DTX4: variants seen among roughly 807,000 people sequenced by gnomAD.
The protein encoded by DTX4 is deltex E3 ubiquitin ligase 4, also known as E3 ubiquitin-protein ligase DTX4.
In DTX4, 28 loss-of-function variants were observed where a neutral mutation model predicts 57.6. The ratio of observed to expected loss-of-function variants is 0.49; its 90% confidence interval spans 0.36 to 0.67. DTX4 has a LOEUF of 0.67. Ranked by LOEUF, DTX4 falls within the 30% of genes least tolerant of loss-of-function variation. The pLI is 0.00. For synonymous variants in DTX4, 316 were observed against 331.0 expected (o/e 0.95, Z 0.49); for missense variants, 715 against 836.8 (o/e 0.85, Z 1.80).
rs755502863 is a variant in DTX4, at chr11:59,181,759, C to T, written c.232C>T (p.Arg78Cys). The change falls in exon 2 of 9, where the codon CGC becomes TGC. Residue 78 changes from arginine to cysteine, a missense_variant. Physicochemically the swap from Arg to Cys is radical, Grantham distance 180. Coordinates refer to ENST00000227451, the MANE Select transcript of DTX4 (RefSeq NM_015177.2). Reference sequence around the variant, plus strand: ...GGCAGGAACTCTCCGCCCAGTTCGCCGCAACTACTACGACCCCTCCTCGGC... The same window carrying T: ...GGCAGGAACTCTCCGCCCAGTTCGCTGCAACTACTACGACCCCTCCTCGGC... ...QDTGTLRPVR[R>C]NYYDPSSAPG... 26 of 1,607,354 alleles carry T rather than the reference C, an allele frequency of 1.6e-5. No individual in the cohort carries two copies. The highest frequency in any genetic ancestry group is 4.4e-5 in the South Asian group (4 of 90,414).
At chr11:59,187,065 A>G (rs1196095064) in intron 2 of DTX4, among the ~76,000 whole-genome samples, 1 of 152,188 alleles carries the variant, frequency 6.6e-6, no homozygotes, top group Non-Finnish European at 1.5e-5. Context: ...CCTTCCTTAC[A>G]GGCATGAGGG....
chr11:59,172,753 T>TGAGA lies in DTX4; in HGVS notation c.158_159insGAGA (p.Ala54ArgfsTer66). On this transcript the variant is annotated frameshift_variant, in exon 1 of 9. Transcript: ENST00000227451. LOFTEE classifies it high-confidence loss of function. ...GTGCTGGGCCAGGTGGACAGCCGTC[T>TGAGA]CGCGCCCTACATCATCGACCTGCAG... is the stretch of plus-strand genomic sequence containing the variant. 1 of 1,602,858 alleles carries TGAGA rather than the reference T, an allele frequency of 6.2e-7. No homozygotes were observed. Among genetic ancestry groups the TGAGA allele is most frequent in the Non-Finnish European group, 8.5e-7 (1 of 1,176,098 alleles).
At chr11:59,185,033 A>G (rs537202038) in intron 2 of DTX4, among the ~76,000 whole-genome samples, 5 of 152,312 alleles carry the variant, frequency 3.3e-5, no homozygotes, top group African/African-American at 1.2e-4. Flanking sequence ...GGAAAAAGGA[A>G]GACCAGGGAG....
chr11:59,188,809 C>G lies in DTX4; in HGVS notation c.997+13C>G. ...CCTGCCTTGGCAGGTAAGAGAAACC[C>G]CAGGATGCTCTGGGTTAAGGTAGAG... On this transcript the variant is annotated intron_variant, in intron 3 of 8. Transcript: ENST00000227451. The G allele has an allele frequency of 6.2e-7, 1 of 1,610,978 alleles. No homozygotes were observed. The highest frequency in any genetic ancestry group is 8.5e-7 in the Non-Finnish European group (1 of 1,177,312).
intron 7 of DTX4, among the ~76,000 whole-genome samples, chr11:59,199,379 C>T (rs1862713222): frequency 6.6e-6 from 1 of 152,200 alleles, no homozygotes; most frequent in African/African-American, 2.4e-5. Flanking sequence ...ACTCACTTAA[C>T]ATTTATAACA....
intron 1 of DTX4, among the ~76,000 whole-genome samples, chr11:59,173,189 C>A (rs113002085): frequency 6.6e-6 from 1 of 152,188 alleles, no homozygotes; most frequent in African/African-American, 2.4e-5. Context: ...GCCCTCATCC[C>A]GTGGCGGCCG....
In DTX4 at chr11:59,189,569, C is replaced by T. The variant is rs551803688; in HGVS notation, c.1159+246C>T. On this transcript the variant is annotated intron_variant, in intron 4 of 8. Coordinates refer to ENST00000227451, the MANE Select transcript of DTX4 (RefSeq NM_015177.2). ...AGTATAGAAACATAAAAATATAAGG[C>T]GTGGTACAAAGAAAATATGTTAGAA... Among the ~76,000 whole-genome samples, 10 of 152,220 alleles carry T rather than the reference C, an allele frequency of 6.6e-5. 1 individual carries two copies. The highest frequency in any genetic ancestry group is 6.8e-3 in the Middle Eastern group (2 of 294).
In DTX4 at chr11:59,182,181, C is replaced by T. The variant is rs1246607761; in HGVS notation, c.654C>T (p.Arg218=). The T allele has an allele frequency of 6.2e-7, 1 of 1,612,730 alleles. No homozygotes were observed. The highest frequency in any genetic ancestry group is 2.2e-5 in the East Asian group (1 of 44,858). Reference sequence around the variant, plus strand: ...GGCCCCTACAGCTGCCAGTGACCCGCAAGAACATGCCGCCTCCTGGAGTGG... The same window carrying T: ...GGCCCCTACAGCTGCCAGTGACCCGTAAGAACATGCCGCCTCCTGGAGTGG... The part of the protein sequence containing the change: ...STGPLQLPVT[R]KNMPPPGVVK... The change falls in exon 2 of 9, where the codon CGC becomes CGT. Residue 218 remains arginine, a synonymous_variant. Coordinates refer to ENST00000227451, the MANE Select transcript of DTX4 (RefSeq NM_015177.2).
chr11:59,203,856 CA>C (rs1307162704), intron 8 of DTX4, among the ~76,000 whole-genome samples: 1 of 152,226 alleles, frequency 6.6e-6, no homozygotes, highest in Non-Finnish European at 1.5e-5. Flanking sequence ...AGTAAACACT[CA>C]GGAAATAGCA....
At position 59,172,174 on chromosome 11, in the gene DTX4, G is replaced by C. The variant is rs1468694366; in HGVS notation, c.-422G>C. 2.6e-5 allele frequency among the ~76,000 whole-genome samples: 4 copies of C among 152,134 alleles called. No individual in the cohort carries two copies. In the East Asian group the frequency reaches 7.7e-4, roughly 29 times the overall value. On this transcript the variant is annotated 5_prime_UTR_variant, in exon 1 of 9. Coordinates refer to ENST00000227451, the MANE Select transcript of DTX4 (RefSeq NM_015177.2). ...GCGGCGAGATCCCACCCCGGCGTCT[G>C]CAGAGGCCGAGGCGCAACTGGTGCG...
In DTX4 at chr11:59,199,665, G is replaced by A. The variant is rs1468049716; in HGVS notation, c.1537-19G>A. ...ATATTTTGAAAAATGCCATTTGCTT[G>A]CTTGCTTTCTGCTTTCAGGGACCGG... is the stretch of plus-strand genomic sequence containing the variant. On this transcript the variant is annotated intron_variant, in intron 7 of 8. Coordinates refer to ENST00000227451, the MANE Select transcript of DTX4 (RefSeq NM_015177.2). 1.3e-6 allele frequency: 2 copies of A among 1,558,992 alleles called. No individual in the cohort carries two copies. The highest frequency in any genetic ancestry group is 2.4e-5 in the South Asian group (2 of 84,368).
chr11:59,189,253 G>A lies in DTX4; in HGVS notation c.1089G>A (p.Lys363=). The A allele has an allele frequency of 6.2e-7, 1 of 1,607,374 alleles. No individual in the cohort carries two copies. The highest frequency in any genetic ancestry group is 8.5e-7 in the Non-Finnish European group (1 of 1,176,920). Residue 363 remains lysine, a synonymous_variant, in exon 4 of 9, where the codon AAG becomes AAA. Transcript: ENST00000227451. ...TCCTACACCCACCCCCCGTCAGCAA[G>A]AGTGAAATAAAATCCATCCCAGGGG... The part of the protein sequence containing the change: ...KLVLHPPPVS[K]SEIKSIPGVS...
chr11:59,188,811 A>C lies in DTX4; in HGVS notation c.997+15A>C. On this transcript the variant is annotated intron_variant, in intron 3 of 8. Transcript: ENST00000227451. ...TGCCTTGGCAGGTAAGAGAAACCCC[A>C]GGATGCTCTGGGTTAAGGTAGAGAA... 6.2e-7 allele frequency: 1 copy of C among 1,610,616 alleles called. No individual in the cohort carries two copies. The highest frequency in any genetic ancestry group is 8.5e-7 in the Non-Finnish European group (1 of 1,176,912).
rs557676745 is a variant in DTX4 at position 59,181,968 on chromosome 11, C to G, written c.441C>G (p.Thr147=). 1.2e-6 allele frequency: 2 copies of G among 1,613,982 alleles called. No individual in the cohort carries two copies. Among genetic ancestry groups the G allele is most frequent in the Non-Finnish European group, 1.7e-6 (2 of 1,179,882 alleles). The change falls in exon 2 of 9, where the codon ACC becomes ACG. Residue 147 remains threonine, a synonymous_variant. Coordinates refer to ENST00000227451, the MANE Select transcript of DTX4 (RefSeq NM_015177.2). ...CCATGGGCCAGATCAACCGTCAGAC[C>G]CAGCGCCAACGCCGCGTCCGCCGGC... ...FNTMGQINRQ[T]QRQRRVRRRL...
chr11:59,205,718 G>A lies in DTX4; in HGVS notation c.*809G>A, dbSNP rs1225025727. ...AGCATCTGAACTGTCCTCAGGGAGA[G>A]GAGCCCACAGCCTTCTTCCCAACTC... is the stretch of plus-strand genomic sequence containing the variant. On this transcript the variant is annotated 3_prime_UTR_variant, in exon 9 of 9. Coordinates refer to ENST00000227451, the MANE Select transcript of DTX4 (RefSeq NM_015177.2). 1.3e-5 allele frequency: 2 copies of A among 152,744 alleles called. No homozygotes were observed. Among genetic ancestry groups the A allele is most frequent in the Non-Finnish European group, 2.9e-5 (2 of 68,128 alleles). The allele number at this position is 152,744 out of a possible 1,614,324, so 9.5% of individuals were successfully genotyped here. A position where few individuals can be genotyped will look rare whatever the true frequency, so the allele number is the denominator to read the frequency against.
At chr11:59,199,869 C>T in intron 8 of DTX4, 96 bp downstream of exon 8, 1 of 998,032 alleles carries the variant, frequency 1.0e-6, no homozygotes, top group East Asian at 2.6e-5. Context: ...TTACAATGCA[C>T]AGACCAAAGA....
At position 59,195,516 on chromosome 11, in the gene DTX4, C is replaced by T. The variant is rs910421295; in HGVS notation, c.1536+147C>T. 92 of 880,156 alleles carry T rather than the reference C, an allele frequency of 1.0e-4. 1 individual carries two copies. Among genetic ancestry groups the T allele is most frequent in the Admixed American group, 5.4e-4 (17 of 31,406 alleles). The allele number at this position is 880,156 out of a possible 1,614,324, so 54.5% of individuals were successfully genotyped here. On this transcript the variant is annotated intron_variant, in intron 7 of 8. Transcript: ENST00000227451. ...CCTTGCCCGCTGACACTACATCCCC[C>T]GACTCAACACTATTGTTCTGACTTT...
intron 2 of DTX4, among the ~76,000 whole-genome samples, chr11:59,185,003 T>G (rs1862510641): frequency 6.6e-6 from 1 of 152,190 alleles, no homozygotes; most frequent in South Asian, 2.1e-4. Context: ...GCCCATGACC[T>G]CTTCCAGCAA....
In DTX4 at chr11:59,207,860, TG is replaced by T. The variant is rs145390264; in HGVS notation, c.*2952del. 0.029 allele frequency: 4,465 copies of T among 152,764 alleles called. 107 individuals carry two copies. Among genetic ancestry groups the T allele is most frequent in the East Asian group, 0.094 (486 of 5,176 alleles). 9.5% of individuals were successfully genotyped at this position (152,764 alleles called of 1,614,324 possible). On this transcript the variant is annotated 3_prime_UTR_variant, in exon 9 of 9. Coordinates refer to ENST00000227451, the MANE Select transcript of DTX4 (RefSeq NM_015177.2). ...TGTGTTTTCATTCTCTTCCCATTTT[TG>T]TACATTTTGGTCTTCTCTGTGGTTT...
Sources: allele counts gnomAD v4.1 joint callset (sites outside exome capture counted in the v4.1 genomes callset), GRCh38; gene constraint gnomAD v4.1.1; transcripts MANE v1.5; gene names NCBI Gene and HGNC (gene_info 2026-07-23, HGNC 2026-07-21).